TDRD5: variants seen among roughly 807,000 people sequenced by gnomAD.
TDRD5 encodes tudor domain-containing protein 5.
TDRD5 carries 41 observed loss-of-function variants against 120.6 expected under a neutral mutation model. The ratio of observed to expected loss-of-function variants is 0.34; its 90% CI spans 0.26 to 0.44. The LOEUF is 0.44. Among genes scored for constraint, TDRD5 ranks in the 20% least tolerant of loss-of-function variants. TDRD5 has a pLI of 1.00. For missense variants in TDRD5, 1,006 were observed against 1,221.2 expected, an observed-to-expected ratio of 0.82 and a Z score of 2.63; for synonymous variants, 430 against 433.7, an observed-to-expected ratio of 0.99 and a Z score of 0.11.
intron 17 of TDRD5, 108 bp downstream of exon 17, chr1:179,669,512 T>A: frequency 8.5e-7 from 1 of 1,180,198 alleles, no homozygotes; most frequent in Non-Finnish European, 1.2e-6. Flanking sequence ...CTTGAAACAT[T>A]ACTGACGTTA....
At chr1:179,592,363 A>G in intron 1 of TDRD5, 1 of 438,022 alleles carries the variant, frequency 2.3e-6, no homozygotes, top group East Asian at 4.6e-5. Context: ...AACCCCAGTT[A>G]ACGCCTCCGC....
intron 7 of TDRD5, among the ~76,000 whole-genome samples, chr1:179,632,343 G>C (rs770033205): frequency 6.6e-6 from 1 of 151,446 alleles, no homozygotes; most frequent in Non-Finnish European, 1.5e-5. Flanking sequence ...CTAGATTGCA[G>C]TATGGTACTT....
At chr1:179,618,747 T>C (rs1256779479) in intron 5 of TDRD5, 65 bp downstream of exon 5, 1 of 1,237,878 alleles carries the variant, frequency 8.1e-7, no homozygotes, top group African/African-American at 1.6e-5. Context: ...TCATTTGTGG[T>C]TGAGTTTGTC....
At chr1:179,612,624 T>C (rs72706723) in intron 4 of TDRD5, among the ~76,000 whole-genome samples, 15,682 of 152,110 alleles carry the variant, frequency 0.1, 890 homozygotes, top group African/African-American at 0.14. Context: ...GGATCTCTAG[T>C]CTTAATACCA....
chr1:179,610,158 T>C (rs534157887), intron 4 of TDRD5, among the ~76,000 whole-genome samples: 2 of 152,210 alleles, frequency 1.3e-5, no homozygotes, highest in Non-Finnish European at 2.9e-5. Flanking sequence ...GTGGGAGCCA[T>C]AACTTTTATT....
At chr1:179,651,913 G>A (rs770403701) in intron 12 of TDRD5, 126 bp from the exon 13 acceptor site, 23 of 1,123,366 alleles carry the variant, frequency 2.0e-5, no homozygotes, top group Non-Finnish European at 2.4e-5. Context: ...ACTCCATCTC[G>A]AAATAAATAA....
Position 179,690,928 on chromosome 1 carries a change from A to T in TDRD5, c.3093A>T (p.Lys1031Asn). 6.2e-7 allele frequency: 1 copy of T among 1,611,816 alleles called. No individual in the cohort carries two copies. Among genetic ancestry groups the T allele is most frequent in the Non-Finnish European group, 8.5e-7 (1 of 1,178,548 alleles). Reference sequence around the variant, plus strand: ...TCCTACACTGGTACCCCAGTGTGAAAAGGATGGAAGCATGAGGGAGGGAGG... The same window carrying T: ...TCCTACACTGGTACCCCAGTGTGAATAGGATGGAAGCATGAGGGAGGGAGG... ...RSLLHWYPSV[K>N]RMEA is the part of the protein sequence containing the mutation. The change falls in exon 18 of 18, where the codon AAA (lysine) becomes AAT (asparagine). Residue 1031 changes from lysine (K) to asparagine (N), a missense_variant. Physicochemically the swap from Lys to Asn is moderately conservative, Grantham distance 94. This residue lies in a region of TDRD5 where 403 missense variants were observed against 448.1 expected (regional missense o/e 0.90). Transcript: ENST00000444136.
chr1:179,660,548 T>G (rs554418863), intron 14 of TDRD5, among the ~76,000 whole-genome samples: 1 of 152,214 alleles, frequency 6.6e-6, no homozygotes. Flanking sequence ...ATTACACTTG[T>G]CATTCTTGAC....
chr1:179,645,805 CTG>C (rs1314349238), intron 11 of TDRD5, among the ~76,000 whole-genome samples: 1 of 152,060 alleles, frequency 6.6e-6, no homozygotes, highest in Non-Finnish European at 1.5e-5. Flanking sequence ...TCCTGGCAGA[CTG>C]AATGTTTTAT....
At chr1:179,609,033 G>T (rs1676141614) in intron 4 of TDRD5, among the ~76,000 whole-genome samples, 1 of 152,086 alleles carries the variant, frequency 6.6e-6, no homozygotes, top group African/African-American at 2.4e-5. Context: ...AGGTTATGAA[G>T]GTGGGGTCCT....
Position 179,681,164 on chromosome 1 carries a change from A to T in TDRD5, c.2861-9532A>T, listed in dbSNP as rs542210443. Among the ~76,000 whole-genome samples, 7 of 152,330 alleles carry T rather than the reference A, an allele frequency of 4.6e-5. No homozygotes were observed. The East Asian group carries it at 1.2e-3, about 25-fold the overall frequency. ...GCAATCACCACTCATTGCAGGCTCAACCGCCTGGGTTCAAGTGATCTTCCT... is the reference window on the plus strand; with the variant it reads ...GCAATCACCACTCATTGCAGGCTCATCCGCCTGGGTTCAAGTGATCTTCCT... On this transcript the variant is annotated intron_variant, in intron 17 of 17. Transcript: ENST00000444136.
chr1:179,620,846 C>G (rs1337630399), intron 5 of TDRD5, among the ~76,000 whole-genome samples, 189 bp from the exon 6 acceptor site: 4 of 151,984 alleles, frequency 2.6e-5, no homozygotes, highest in African/African-American at 9.7e-5. Flanking sequence ...TGTTGGAAAT[C>G]ACAGTCTCTT....
intron 17 of TDRD5, among the ~76,000 whole-genome samples, chr1:179,687,223 A>G (rs1055413775): frequency 3.9e-5 from 6 of 152,202 alleles, no homozygotes; most frequent in Non-Finnish European, 7.3e-5. Context: ...AATGTGTCCC[A>G]GAGATTCTGG....
intron 13 of TDRD5, among the ~76,000 whole-genome samples, chr1:179,652,404 A>T (rs1678771615): frequency 6.6e-6 from 1 of 151,948 alleles, no homozygotes; most frequent in Non-Finnish European, 1.5e-5. Context: ...AGTAAATTCC[A>T]TTGCTGCCTT....
Position 179,654,306 on chromosome 1 carries a change from G to A in TDRD5, c.2266G>A (p.Glu756Lys), listed in dbSNP as rs903243027. ...ESLKTCNKSF[E>K]EDPKWSNPEP... ...TTTGAAAACCTGTAATAAGAGCTTT[G>A]AAGAAGATCCAAAGTGGTCCAACCC... Residue 756 changes from glutamate (E) to lysine (K), a missense_variant, in exon 14 of 18, where the codon GAA (glutamate) becomes AAA (lysine). Around this residue, in one of 3 missense-constraint regions of TDRD5, gnomAD observed 403 missense variants for 448.1 expected, o/e 0.90. Coordinates refer to ENST00000444136, the MANE Select transcript of TDRD5 (RefSeq NM_001199085.3). The A allele has an allele frequency of 9.7e-6, 15 of 1,549,514 alleles. No individual in the cohort carries two copies. The Admixed American group carries it at 2.7e-4, about 28-fold the overall frequency.
intron 4 of TDRD5, among the ~76,000 whole-genome samples, chr1:179,606,148 G>A (rs893935793): frequency 1.7e-4 from 25 of 151,362 alleles, no homozygotes; most frequent in African/African-American, 6.1e-4. Flanking sequence ...ATACTGTATA[G>A]TGATATTTTA....
chr1:179,595,709 A>C lies in TDRD5; in HGVS notation c.722A>C (p.Gln241Pro), dbSNP rs370501618. 3 of 1,613,866 alleles carry C rather than the reference A, an allele frequency of 1.9e-6. No individual in the cohort carries two copies. Among genetic ancestry groups the C allele is most frequent in the Non-Finnish European group, 2.5e-6 (3 of 1,179,842 alleles). The change falls in exon 4 of 18, where the codon CAA becomes CCA. Residue 241 changes from glutamine (Q) to proline (P), a missense_variant. Physicochemically the swap from Gln to Pro is moderately conservative, Grantham distance 76 (BLOSUM62 -1). Coordinates refer to ENST00000444136, the MANE Select transcript of TDRD5 (RefSeq NM_001199085.3). ...CCGGTAGCAAAGCCATGCTTTTCAC[A>C]ACCCACTTCAAACATGGAACCACCG... is the stretch of plus-strand genomic sequence containing the variant. ...GFPVAKPCFS[Q>P]PTSNMEPPKQ...
At chr1:179,612,369 A>G (rs1428995250) in intron 4 of TDRD5, among the ~76,000 whole-genome samples, 1 of 152,120 alleles carries the variant, frequency 6.6e-6, no homozygotes, top group Non-Finnish European at 1.5e-5. Context: ...AAGGCGTTCA[A>G]TTTTCTTTAT....
intron 4 of TDRD5, among the ~76,000 whole-genome samples, chr1:179,600,214 C>G (rs61826402): frequency 0.19 from 29,204 of 152,072 alleles, 3,668 homozygotes; most frequent in Non-Finnish European, 0.27. Context: ...CAATAATGTC[C>G]TAGGCCTACA....
Sources: allele counts gnomAD v4.1 joint callset (sites outside exome capture counted in the v4.1 genomes callset), GRCh38; gene constraint gnomAD v4.1.1; regional missense constraint gnomAD v4.1.1; transcripts MANE v1.5; gene names NCBI Gene and HGNC (gene_info 2026-07-23, HGNC 2026-07-21).